BACH2: variants seen among roughly 807,000 people sequenced by gnomAD.
BACH2 encodes BACH transcriptional regulator 2, also known as transcription regulator protein BACH2.
A neutral mutation model predicts 61.8 loss-of-function variants in BACH2; 5 were observed. The observed-to-expected ratio is 0.08, with a 90% CI of 0.04 to 0.17. BACH2 has a LOEUF of 0.17. Among genes scored for constraint, BACH2 ranks in the 10% least tolerant of loss-of-function variants. The pLI is 1.00. For missense variants in BACH2, 824 were observed against 1,091.1 expected (o/e 0.76, Z 3.45); for synonymous variants, 446 against 440.1 (o/e 1.01, Z -0.17).
At chr6:90,160,318 G>A (rs1016786457) in intron 4 of BACH2, among the ~76,000 whole-genome samples, 6 of 152,172 alleles carry the variant, frequency 3.9e-5, no homozygotes, top group African/African-American at 1.4e-4. Context: ...GCGGGGATGA[G>A]GCCCTTTGTG....
intron 4 of BACH2, among the ~76,000 whole-genome samples, chr6:90,140,720 C>T (rs115529740): frequency 1.3e-5 from 2 of 152,268 alleles, no homozygotes; most frequent in African/African-American, 4.8e-5. Flanking sequence ...ACATATTCTA[C>T]AGCAATAAAA....
At chr6:90,212,796 G>A (rs1769402156) in intron 3 of BACH2, among the ~76,000 whole-genome samples, 1 of 152,150 alleles carries the variant, frequency 6.6e-6, no homozygotes. Flanking sequence ...CACATTGTTG[G>A]TAACACACGC....
intron 4 of BACH2, among the ~76,000 whole-genome samples, chr6:90,113,609 G>A (rs1204983340): frequency 2.0e-5 from 3 of 152,010 alleles, no homozygotes; most frequent in African/African-American, 7.2e-5. Context: ...GAAATTCATA[G>A]CACTAAATGT....
At chr6:90,052,682 A>G (rs1343239694) in intron 5 of BACH2, among the ~76,000 whole-genome samples, 1 of 152,222 alleles carries the variant, frequency 6.6e-6, no homozygotes, top group African/African-American at 2.4e-5. Flanking sequence ...CAGTCTCCCA[A>G]AGTGCTGGGG....
intron 5 of BACH2, among the ~76,000 whole-genome samples, chr6:90,043,295 G>T (rs1271111223): frequency 6.6e-6 from 1 of 152,170 alleles, no homozygotes; most frequent in Non-Finnish European, 1.5e-5. Context: ...AGGTGATTGG[G>T]TCATGAGGGT....
At chr6:89,967,269 C>T (rs1377113762) in intron 6 of BACH2, among the ~76,000 whole-genome samples, 2 of 152,108 alleles carry the variant, frequency 1.3e-5, no homozygotes, top group Non-Finnish European at 2.9e-5. Flanking sequence ...CACCTTTTCT[C>T]CTAGAAATAA....
intron 5 of BACH2, among the ~76,000 whole-genome samples, chr6:90,015,895 T>C (rs1200745887): frequency 2.6e-5 from 4 of 152,256 alleles, no homozygotes; most frequent in African/African-American, 9.6e-5. Context: ...TAGGCTTGTC[T>C]GTCAGTTATT....
At chr6:90,218,639 T>A (rs1254215341) in intron 3 of BACH2, among the ~76,000 whole-genome samples, 1 of 152,036 alleles carries the variant, frequency 6.6e-6, no homozygotes, top group Non-Finnish European at 1.5e-5. Flanking sequence ...AATTGCTTTG[T>A]GGAAAGGACC....
At chr6:90,056,665 A>G (rs1323346667) in intron 5 of BACH2, among the ~76,000 whole-genome samples, 8 of 152,166 alleles carry the variant, frequency 5.3e-5, no homozygotes, top group Non-Finnish European at 1.0e-4. Flanking sequence ...TCAACAGAAT[A>G]TACATTCTTT....
chr6:90,023,618 T>G (rs9444730), intron 5 of BACH2, among the ~76,000 whole-genome samples: 47,056 of 152,084 alleles, frequency 0.31, 8,865 homozygotes, highest in African/African-American at 0.52. Context: ...GGAGTAAATG[T>G]GTCCTCTCAA....
At chr6:90,019,123 A>G (rs1204940502) in intron 5 of BACH2, among the ~76,000 whole-genome samples, 2 of 152,242 alleles carry the variant, frequency 1.3e-5, no homozygotes, top group African/African-American at 4.8e-5. Flanking sequence ...GTTAAAAATC[A>G]TAATAGCTTG....
intron 5 of BACH2, among the ~76,000 whole-genome samples, chr6:90,056,306 G>C (rs896790981): frequency 5.3e-5 from 8 of 152,036 alleles, no homozygotes; most frequent in African/African-American, 1.9e-4. Context: ...AACAAAAAAA[G>C]GCAGGGGTTG....
At chr6:90,097,821 G>A (rs1190987952) in intron 4 of BACH2, among the ~76,000 whole-genome samples, 1 of 152,074 alleles carries the variant, frequency 6.6e-6, no homozygotes, top group African/African-American at 2.4e-5. Flanking sequence ...CAAAACAAGA[G>A]TGAAGGAAAC....
At chr6:90,028,201 T>A (rs1778736503) in intron 5 of BACH2, among the ~76,000 whole-genome samples, 1 of 152,196 alleles carries the variant, frequency 6.6e-6, no homozygotes, top group African/African-American at 2.4e-5. Context: ...TCTGCTCGCA[T>A]CAGGAATTAT....
chr6:90,022,702 G>A (rs1224610364), intron 5 of BACH2, among the ~76,000 whole-genome samples: 1 of 152,152 alleles, frequency 6.6e-6, no homozygotes, highest in Non-Finnish European at 1.5e-5. Context: ...TGGTCCAAAG[G>A]TAATAAAGAA....
At chr6:89,989,482 CGA>C (rs373636040) in intron 6 of BACH2, among the ~76,000 whole-genome samples, 1 of 151,878 alleles carries the variant, frequency 6.6e-6, no homozygotes, top group African/African-American at 2.4e-5. Context: ...GCATACAGAG[CGA>C]GAGAGAGAGG....
intron 3 of BACH2, among the ~76,000 whole-genome samples, chr6:90,248,107 G>A (rs1286807749): frequency 1.3e-5 from 2 of 152,054 alleles, no homozygotes; most frequent in African/African-American, 4.8e-5. Context: ...TCTCCCCAAG[G>A]TGAGACCTCT....
chr6:90,013,817 A>T (rs1309780337), intron 5 of BACH2, among the ~76,000 whole-genome samples: 1 of 149,242 alleles, frequency 6.7e-6, no homozygotes, highest in Non-Finnish European at 1.5e-5. Flanking sequence ...CTCTTTTTCT[A>T]TCTTTCTTTC....
Position 90,264,194 on chromosome 6 carries a change from C to T in BACH2, c.-353+7655G>A, listed in dbSNP as rs146469120. Among the ~76,000 whole-genome samples, 847 of 152,202 alleles carry T rather than the reference C, an allele frequency of 5.6e-3. 4 individuals are homozygous for T. Among genetic ancestry groups the T allele is most frequent in the Non-Finnish European group, 8.8e-3 (598 of 68,002 alleles). ...ATCTCTGCCTTTTTTACTCTTTTGT[C>T]CTCTGTCTGAAGTTTTCAATTAAGA... On this transcript the variant is annotated intron_variant, in intron 2 of 8. Transcript: ENST00000257749.
Sources: gnomAD v4.1 joint callset for allele counts (sites outside exome capture counted in the v4.1 genomes callset) on GRCh38, gnomAD v4.1.1 for gene constraint, MANE v1.5 for transcripts, NCBI Gene and HGNC (gene_info 2026-07-23, HGNC 2026-07-21) for gene names.